GALNT15: variants seen among roughly 807,000 people sequenced by gnomAD.
The protein encoded by GALNT15 is polypeptide N-acetylgalactosaminyltransferase 15.
Under a neutral mutation model 66.8 loss-of-function variants are expected in GALNT15, and 67 were observed. The ratio of observed to expected loss-of-function variants is 1.00; its 90% confidence interval spans 0.82 to 1.23. The LOEUF (loss-of-function observed/expected upper bound fraction) is 1.23. GALNT15 is among the 50% of genes most tolerant of loss of function. The probability of loss-of-function intolerance (pLI) is 0.00; values close to 1 mark genes in which losing one functional copy is unlikely to be tolerated. For synonymous variants in GALNT15, 313 were observed against 311.5 expected (o/e 1.00, Z -0.05); for missense variants, 827 against 804.3 (o/e 1.03, Z -0.34).
chr3:16,220,070 C>A (rs928952573), intron 8 of GALNT15, 56 bp downstream of exon 8: 4 of 1,358,864 alleles, frequency 2.9e-6, no homozygotes, highest in African/African-American at 1.4e-5. Context: ...TGAAAGTGGG[C>A]GATATTTTTC....
downstream of GALNT15, chr3:16,231,916 C>T (rs999704608): frequency 2.2e-5 from 33 of 1,534,714 alleles, no homozygotes; most frequent in East Asian, 1.2e-4. This position sits in a 1 kb window ranked among gnomAD's most constrained non-coding sequence, Gnocchi z 4.1. Context: ...AAGGCACTGC[C>T]GATCACTCTC....
chr3:16,219,380 G>T lies in GALNT15; in HGVS notation c.1393-23G>T. 1 of 1,612,614 alleles carries T rather than the reference G, an allele frequency of 6.2e-7. No individual in the cohort carries two copies. Among genetic ancestry groups the T allele is most frequent in the Non-Finnish European group, 8.5e-7 (1 of 1,179,246 alleles). ...GGGCAAGACAAGCTTTCATCATCCT[G>T]CTTGTGTCTTTCTCCTCCCCAGGCT... On this transcript the variant is annotated intron_variant, in intron 6 of 9. Transcript: ENST00000339732. This position sits in a 1 kb window ranked among gnomAD's most constrained non-coding sequence, Gnocchi z 4.3.
At chr3:16,185,841 C>T (rs2063511723) in intron 1 of GALNT15, among the ~76,000 whole-genome samples, 2 of 152,100 alleles carry the variant, frequency 1.3e-5, no homozygotes, top group African/African-American at 4.8e-5. Context: ...TAACTTTAAA[C>T]AGGTCATTTA....
chr3:16,216,274 T>G (rs926825266), intron 6 of GALNT15, among the ~76,000 whole-genome samples: 1 of 152,036 alleles, frequency 6.6e-6, no homozygotes, highest in Non-Finnish European at 1.5e-5. Flanking sequence ...TGAAAGTTTA[T>G]TAAAAAGTCT....
rs2063599227 is a variant in GALNT15, at chr3:16,193,297, T to C, written c.540-2463T>C. 6.6e-6 allele frequency among the ~76,000 whole-genome samples: 1 copy of C among 152,254 alleles called. No homozygotes were observed. Among genetic ancestry groups the C allele is most frequent in the South Asian group, 2.1e-4 (1 of 4,830 alleles). On this transcript the variant is annotated intron_variant, in intron 1 of 9. Transcript: ENST00000339732. The surrounding 1 kb of genome is among the most constrained non-coding windows in gnomAD (Gnocchi z 4.7). ...AATACCTAGGCCCTTATAACCTATA[T>C]ATTTATGTTCTTTCTCCAAATGCTG...
At position 16,218,392 on chromosome 3, in the gene GALNT15, T is replaced by C. The variant is rs147042368; in HGVS notation, c.1393-1011T>C. Among the ~76,000 whole-genome samples the C allele has an allele frequency of 3.7e-4, 56 of 152,328 alleles. 1 individual carries two copies. The highest frequency in any genetic ancestry group is 1.2e-3 in the African/African-American group (51 of 41,574). On this transcript the variant is annotated intron_variant, in intron 6 of 9. Coordinates refer to ENST00000339732, the MANE Select transcript of GALNT15 (RefSeq NM_054110.5). The stretch of plus-strand genomic sequence containing the variant: ...CTGTGGTCATTCCAACCCATCCTTG[T>C]CACCTCTCTCTTCCCTAAAAGTATC...
intron 3 of GALNT15, among the ~76,000 whole-genome samples, chr3:16,206,608 G>A (rs1488917511): frequency 6.9e-6 from 1 of 145,656 alleles, no homozygotes; most frequent in Non-Finnish European, 1.5e-5. Context: ...GGGAGGCGGA[G>A]CTTGCAGTGA....
At chr3:16,230,264 C>G (rs2064069558), downstream of GALNT15, among the ~76,000 whole-genome samples, 1 of 152,164 alleles carries the variant, frequency 6.6e-6, no homozygotes, top group Non-Finnish European at 1.5e-5. This position sits in a 1 kb window ranked among gnomAD's most constrained non-coding sequence, Gnocchi z 4.5. Flanking sequence ...TGTATTACAA[C>G]AGTAAGAGCA....
rs567146838 is a variant in GALNT15, at chr3:16,176,688, T to A, written c.539+998T>A. Among the ~76,000 whole-genome samples, 2 of 152,346 alleles carry A rather than the reference T, an allele frequency of 1.3e-5. No homozygotes were observed. The highest frequency in any genetic ancestry group is 3.9e-4 in the East Asian group (2 of 5,192). On this transcript the variant is annotated intron_variant, in intron 1 of 9. Transcript: ENST00000339732. This position sits in a 1 kb window ranked among gnomAD's most constrained non-coding sequence, Gnocchi z 5.6. ...AGGGAGCAAGGCAGCTTGTTAGTTT[T>A]AGTTTGGTGATTTAGGTCCCTTTTC...
intron 8 of GALNT15, chr3:16,220,326 T>C (rs2063929846): frequency 5.6e-6 from 2 of 359,214 alleles, no homozygotes; most frequent in East Asian, 1.1e-4. Context: ...AGCCCAGGGA[T>C]TGCAAACTCA....
At chr3:16,233,094 C>CTTTT (rs61516679), downstream of GALNT15, among the ~76,000 whole-genome samples, 32 of 61,198 alleles carry the variant, frequency 5.2e-4, 7 homozygotes, top group East Asian at 1.3e-3. Context: ...GATAATGCAT[C>CTTTT]TTTTTTTTTT....
chr3:16,222,023 A>G (rs2063947799), intron 8 of GALNT15, among the ~76,000 whole-genome samples: 1 of 152,222 alleles, frequency 6.6e-6, no homozygotes, highest in Non-Finnish European at 1.5e-5. Flanking sequence ...GTAAGCCACA[A>G]AATTAATGTA....
intron 3 of GALNT15, among the ~76,000 whole-genome samples, chr3:16,207,501 T>TAAAAAAAAAAAAAAAAAAAAAA (rs36127239): frequency 2.5e-5 from 1 of 39,802 alleles, no homozygotes; most frequent in Non-Finnish European, 4.2e-5. Flanking sequence ...CTCCAGGCTG[T>TAAAAAAAAAAAAAAAAAAAAAA]AAAAAAAAAA....
At chr3:16,207,556 T>A (rs9813627) in intron 3 of GALNT15, among the ~76,000 whole-genome samples, 109,246 of 109,302 alleles carry the variant, frequency 1, 54,596 homozygotes, top group Middle Eastern at 1. Context: ...GGGCCTAAAA[T>A]TCCCCACCAT....
At chr3:16,235,137 A>G (rs1292032581), downstream of GALNT15, among the ~76,000 whole-genome samples, 1 of 152,004 alleles carries the variant, frequency 6.6e-6, no homozygotes, top group Non-Finnish European at 1.5e-5. Flanking sequence ...TTTAGCCAGG[A>G]TGGTCTCGAT....
At position 16,200,617 on chromosome 3, in the gene GALNT15, A is replaced by G; in HGVS notation, c.707-2A>G. The G allele has an allele frequency of 6.5e-7, 1 of 1,529,180 alleles. No homozygotes were observed. Among genetic ancestry groups the G allele is most frequent in the Non-Finnish European group, 8.8e-7 (1 of 1,136,522 alleles). The allele number at this position is 1,529,180 out of a possible 1,614,324, so 94.7% of individuals were successfully genotyped here. On this transcript the variant is annotated splice_acceptor_variant, in intron 2 of 9. Transcript: ENST00000339732. LOFTEE classifies it high-confidence loss of function. This position sits in a 1 kb window ranked among gnomAD's most constrained non-coding sequence, Gnocchi z 4.4. Reference sequence around the variant, plus strand: ...CACTGACCACAACCCTGTTGATTCCAGGACAACTCAAGTCTGCTCTCAGCG... The same window carrying G: ...CACTGACCACAACCCTGTTGATTCCGGGACAACTCAAGTCTGCTCTCAGCG...
intron 2 of GALNT15, among the ~76,000 whole-genome samples, chr3:16,198,723 C>T (rs1296682883): frequency 3.5e-5 from 5 of 142,296 alleles, no homozygotes; most frequent in African/African-American, 1.3e-4. Context: ...TGCAACAGCC[C>T]AGTGACTGGG....
At chr3:16,246,898 A>G in the GALNT15 span, among the ~76,000 whole-genome samples, 2 of 152,308 alleles carry the variant, frequency 1.3e-5, no homozygotes, top group African/African-American at 4.8e-5. Context: ...TATGGCTTGT[A>G]ATTTTTCTGA....
chr3:16,234,341 C>T (rs556756676), downstream of GALNT15, among the ~76,000 whole-genome samples: 6 of 151,530 alleles, frequency 4.0e-5, no homozygotes, highest in South Asian at 2.1e-4. Context: ...TTTTCTTCCG[C>T]GAAAGCCAAA....
Sources: allele counts gnomAD v4.1 joint callset (sites outside exome capture counted in the v4.1 genomes callset), GRCh38; gene constraint gnomAD v4.1.1; non-coding constraint Gnocchi (gnomAD v3.1); transcripts MANE v1.5; gene names NCBI Gene and HGNC (gene_info 2026-07-23, HGNC 2026-07-21).